PIGU: variants seen among roughly 807,000 people sequenced by gnomAD.
The protein encoded by PIGU is phosphatidylinositol glycan anchor biosynthesis class U, also known as GPI-anchor transamidase component PIGU.
In PIGU, 24 loss-of-function variants were observed where a neutral mutation model predicts 49.9. The ratio of observed to expected loss-of-function variants is 0.48; its 90% confidence interval spans 0.35 to 0.68. PIGU has a LOEUF of 0.68. Ranked by LOEUF, PIGU falls within the 30% of genes least tolerant of loss-of-function variation. The pLI, the probability that PIGU is intolerant of heterozygous loss-of-function variation, is 0.01. For synonymous variants in PIGU, 220 were observed against 205.7 expected, an observed-to-expected ratio of 1.07 and a Z score of -0.59; for missense variants, 490 against 532.6, an observed-to-expected ratio of 0.92 and a Z score of 0.79.
rs1555803431 is a variant in PIGU at position 34,660,048 on chromosome 20, T to TTA, written c.131-2805_131-2804insTA. On this transcript the variant is annotated intron_variant, in intron 1 of 11. Transcript: ENST00000217446. The stretch of plus-strand genomic sequence containing the variant: ...GCGAGAAACACCCAAGAATGATCAA[T>TTA]AAAAAAAAAAAAAAAAAAAAGAACA... 7.3e-3 allele frequency among the ~76,000 whole-genome samples: 302 copies of TTA among 41,416 alleles called. 7 individuals are homozygous for TTA. The highest frequency in any genetic ancestry group is 0.016 in the East Asian group (20 of 1,290). 27.2% of individuals were successfully genotyped at this position (41,416 alleles called of 152,430 possible).
chr20:34,647,991 T>C (rs559837901), intron 2 of PIGU, among the ~76,000 whole-genome samples: 4 of 152,240 alleles, frequency 2.6e-5, no homozygotes, highest in African/African-American at 9.6e-5. Flanking sequence ...GGCTCATGCC[T>C]ATAATCTCAG....
At chr20:34,658,950 A>G (rs1458856355) in intron 1 of PIGU, among the ~76,000 whole-genome samples, 10 of 122,156 alleles carry the variant, frequency 8.2e-5, no homozygotes, top group East Asian at 5.6e-4. Context: ...AGGGAGGCGG[A>G]GGGGTCAGCC....
intron 11 of PIGU, among the ~76,000 whole-genome samples, chr20:34,574,807 C>T (rs1983154925): frequency 6.6e-6 from 1 of 152,158 alleles, no homozygotes; most frequent in Non-Finnish European, 1.5e-5. Flanking sequence ...AAGAGAGGAC[C>T]TCTGCAAGCC....
At chr20:34,629,228 C>T (rs1985608929) in intron 6 of PIGU, among the ~76,000 whole-genome samples, 1 of 152,082 alleles carries the variant, frequency 6.6e-6, no homozygotes, top group South Asian at 2.1e-4. Flanking sequence ...CTTGGCTAGG[C>T]TAGTCTTGAA....
At position 34,655,447 on chromosome 20, in the gene PIGU, G is replaced by A. The variant is rs1156462660; in HGVS notation, c.195+1733C>T. Among the ~76,000 whole-genome samples the A allele has an allele frequency of 8.2e-5, 10 of 122,252 alleles. 2 individuals carry two copies. In the South Asian group the frequency reaches 1.2e-3, roughly 15 times the overall value. 80.2% of individuals were successfully genotyped at this position (122,252 alleles called of 152,430 possible). ...AGCACTTTGGGAGGCCAAGGCAGGC[G>A]GATCACGAAGTCAGGAGTTTGAGAG... is the stretch of plus-strand genomic sequence containing the variant. On this transcript the variant is annotated intron_variant, in intron 2 of 11. Coordinates refer to ENST00000217446, the MANE Select transcript of PIGU (RefSeq NM_080476.5).
intron 1 of PIGU, among the ~76,000 whole-genome samples, chr20:34,659,864 AAG>A: frequency 6.6e-6 from 1 of 151,976 alleles, no homozygotes; most frequent in African/African-American, 2.4e-5. Flanking sequence ...CATGCTTGTT[AAG>A]AGTCATCACC....
chr20:34,589,649 C>CTTTTTTTTTTTTT (rs34119895), intron 7 of PIGU, among the ~76,000 whole-genome samples: 1 of 53,674 alleles, frequency 1.9e-5, no homozygotes, highest in Non-Finnish European at 3.1e-5. Context: ...CTGCACCTGG[C>CTTTTTTTTTTTTT]TTTTTTTTTT....
chr20:34,661,401 ACTTT>A (rs750657041), intron 1 of PIGU, among the ~76,000 whole-genome samples: 2 of 152,142 alleles, frequency 1.3e-5, no homozygotes, highest in East Asian at 3.9e-4. Flanking sequence ...ATCTACTGCT[ACTTT>A]CTTTGTGTCC....
At chr20:34,663,798 C>G (rs1021780489) in intron 1 of PIGU, among the ~76,000 whole-genome samples, 3 of 152,150 alleles carry the variant, frequency 2.0e-5, no homozygotes, top group African/African-American at 7.2e-5. Context: ...AATCACAAGG[C>G]ATTTCTCAAT....
chr20:34,651,506 A>G (rs551298810), intron 2 of PIGU, among the ~76,000 whole-genome samples: 1 of 152,070 alleles, frequency 6.6e-6, no homozygotes, highest in South Asian at 2.1e-4. Flanking sequence ...GTACTTTCCA[A>G]TGCCTTCCAG....
At chr20:34,659,588 T>C (rs1050365162) in intron 1 of PIGU, among the ~76,000 whole-genome samples, 5 of 152,000 alleles carry the variant, frequency 3.3e-5, no homozygotes, top group African/African-American at 1.2e-4. Flanking sequence ...AGGATGACAA[T>C]GGCGGTTTTG....
At chr20:34,567,826 T>TCTCTCC (rs1390946017) in intron 11 of PIGU, among the ~76,000 whole-genome samples, 2 of 150,918 alleles carry the variant, frequency 1.3e-5, no homozygotes, top group African/African-American at 4.9e-5. Context: ...TCTCTCTCTC[T>TCTCTCC]CTCCCTCCTT....
At chr20:34,638,718 C>T (rs112873000) in intron 4 of PIGU, among the ~76,000 whole-genome samples, 1 of 152,108 alleles carries the variant, frequency 6.6e-6, no homozygotes, top group Non-Finnish European at 1.5e-5. Flanking sequence ...AGGAGGAAAG[C>T]TGGGTGTGGG....
chr20:34,598,442 C>A (rs1407515840), intron 7 of PIGU, among the ~76,000 whole-genome samples: 3 of 152,194 alleles, frequency 2.0e-5, no homozygotes, highest in Non-Finnish European at 2.9e-5. Context: ...GGCTCTTTAA[C>A]AGTTGAGAAA....
intron 10 of PIGU, among the ~76,000 whole-genome samples, chr20:34,580,317 C>A (rs1983405200): frequency 6.6e-6 from 1 of 152,210 alleles, no homozygotes; most frequent in Non-Finnish European, 1.5e-5. Context: ...AGGATGTCAC[C>A]ACAGAAGACA....
chr20:34,633,627 G>A (rs1168611258), intron 6 of PIGU, among the ~76,000 whole-genome samples: 2 of 151,624 alleles, frequency 1.3e-5, no homozygotes. Context: ...GAATGCAGTG[G>A]CGAGATCTCG....
chr20:34,656,061 C>T lies in PIGU; in HGVS notation c.195+1119G>A, dbSNP rs571134970. Among the ~76,000 whole-genome samples the T allele has an allele frequency of 1.4e-3, 147 of 105,468 alleles. 28 individuals are homozygous for T. The highest frequency in any genetic ancestry group is 5.2e-3 in the African/African-American group (143 of 27,738). The allele number at this position is 105,468 out of a possible 152,430, so 69.2% of individuals were successfully genotyped here. A position where few individuals can be genotyped will look rare whatever the true frequency, so the allele number is the denominator to read the frequency against. Reference sequence around the variant, plus strand: ...CAGTCTCGGCTCACTGCAAACTCTGCCTCCCGGGTTCAAACAATTGTCCTG... The same window carrying T: ...CAGTCTCGGCTCACTGCAAACTCTGTCTCCCGGGTTCAAACAATTGTCCTG... On this transcript the variant is annotated intron_variant, in intron 2 of 11. Coordinates refer to ENST00000217446, the MANE Select transcript of PIGU (RefSeq NM_080476.5).
intron 1 of PIGU, among the ~76,000 whole-genome samples, chr20:34,674,908 C>T (rs1449536555): frequency 1.4e-5 from 2 of 146,242 alleles, no homozygotes; most frequent in East Asian, 4.1e-4. Context: ...TATCACTGCA[C>T]TCCAGCCTGA....
intron 7 of PIGU, among the ~76,000 whole-genome samples, chr20:34,599,058 G>A (rs933906288): frequency 3.3e-5 from 5 of 152,030 alleles, no homozygotes; most frequent in African/African-American, 1.2e-4. Context: ...TAGCTCATAA[G>A]CCACCACATC....
Sources: allele counts gnomAD v4.1 joint callset (sites outside exome capture counted in the v4.1 genomes callset), GRCh38; gene constraint gnomAD v4.1.1; transcripts MANE v1.5; gene names NCBI Gene and HGNC (gene_info 2026-07-23, HGNC 2026-07-21).